Variants in DMXL2 observed in about 807,000 individuals in gnomAD.
DMXL2 encodes Dmx like 2, also known as dmX-like protein 2.
DMXL2 carries 103 observed loss-of-function variants against 331.1 expected under a neutral mutation model. The ratio of observed to expected loss-of-function variants is 0.31; its 90% CI spans 0.27 to 0.37. The LOEUF (loss-of-function observed/expected upper bound fraction) is 0.37, where lower values mean the gene tolerates loss of function less well. Among genes scored for constraint, DMXL2 ranks in the 10% least tolerant of loss-of-function variants. DMXL2 has a pLI of 1.00. For synonymous variants in DMXL2, 1,281 were observed against 1,252.1 expected, an observed-to-expected ratio of 1.02 and a Z score of -0.49; for missense variants, 3,171 against 3,642.9, an observed-to-expected ratio of 0.87 and a Z score of 3.33.
At chr15:51,563,495 C>T (rs777706184) in intron 5 of DMXL2, 48 bp from the exon 6 acceptor site, 1 of 1,369,328 alleles carries the variant, frequency 7.3e-7, no homozygotes, top group South Asian at 1.3e-5. Flanking sequence ...ATCTGGTGTA[C>T]TGTATATAAA....
chr15:51,500,685 T>A (rs1401699809), intron 17 of DMXL2, among the ~76,000 whole-genome samples: 2 of 152,220 alleles, frequency 1.3e-5, no homozygotes, highest in African/African-American at 4.8e-5. Flanking sequence ...TTCTCTCAAA[T>A]AATCCAGACC....
intron 32 of DMXL2, among the ~76,000 whole-genome samples, chr15:51,463,839 G>A (rs1366065764): frequency 6.6e-6 from 1 of 151,954 alleles, no homozygotes. Flanking sequence ...ATGAATACAA[G>A]TCATAGATAC....
At chr15:51,619,333 G>T (rs887282641) in intron 1 of DMXL2, among the ~76,000 whole-genome samples, 3 of 152,146 alleles carry the variant, frequency 2.0e-5, no homozygotes, top group African/African-American at 7.2e-5. Context: ...TTGTTCAAAA[G>T]GTGATGTTTT....
intron 22 of DMXL2, among the ~76,000 whole-genome samples, chr15:51,487,279 T>TA (rs1014570720): frequency 2.0e-5 from 3 of 152,174 alleles, no homozygotes; most frequent in African/African-American, 4.8e-5. Flanking sequence ...GAATTTCATT[T>TA]AAAAAAACAG....
At chr15:51,565,046 A>G in intron 4 of DMXL2, 42 bp downstream of exon 4, 1 of 1,137,472 alleles carries the variant, frequency 8.8e-7, no homozygotes, top group Non-Finnish European at 1.2e-6. Flanking sequence ...CATTTAAAAC[A>G]AATATTTAAT....
Position 51,470,424 on chromosome 15 carries a change from C to T in DMXL2, c.7392+799G>A, listed in dbSNP as rs148317046. On this transcript the variant is annotated intron_variant, in intron 29 of 43. Transcript: ENST00000560891. Reference sequence around the variant, plus strand: ...GAGGTTACAGGTATGAGCCACTGCACCTGGCCTCAGAGTCTTTAGATAACA... The same window carrying T: ...GAGGTTACAGGTATGAGCCACTGCATCTGGCCTCAGAGTCTTTAGATAACA... 6.6e-5 allele frequency among the ~76,000 whole-genome samples: 10 copies of T among 152,060 alleles called. No individual in the cohort carries two copies. The East Asian group carries it at 1.9e-3, about 29-fold the overall frequency.
Position 51,481,003 on chromosome 15 carries a change from C to T in DMXL2, c.6103G>A (p.Val2035Ile). ...TTTAGTTGTTCAGCAATCACATCAACTTCAGTATCACCTTCAGGATCATCC... is the reference window on the plus strand; with the variant it reads ...TTTAGTTGTTCAGCAATCACATCAATTTCAGTATCACCTTCAGGATCATCC... Reference protein sequence around the residue: ...EEDDPEGDTEVDVIAEQLKFR... With the variant: ...EEDDPEGDTEIDVIAEQLKFR... The change falls in exon 24 of 44, where the codon GTT (valine) becomes ATT (isoleucine). Residue 2035 changes from valine (V) to isoleucine (I), a missense_variant. Val to Ile is a conservative substitution (Grantham distance 29, BLOSUM62 3). Transcript: ENST00000560891. 1.9e-6 allele frequency: 3 copies of T among 1,614,174 alleles called. No individual in the cohort carries two copies. Among genetic ancestry groups the T allele is most frequent in the East Asian group, 2.2e-5 (1 of 44,882 alleles).
chr15:51,529,632 A>C (rs562662750), intron 13 of DMXL2, among the ~76,000 whole-genome samples: 2 of 152,298 alleles, frequency 1.3e-5, no homozygotes, highest in South Asian at 4.1e-4. Flanking sequence ...CTAAGTAAAG[A>C]AAAGCCCAGG....
In DMXL2 at chr15:51,572,340, G is replaced by A. The variant is rs180971696; in HGVS notation, c.213+3716C>T. Among the ~76,000 whole-genome samples, 202 of 151,578 alleles carry A rather than the reference G, an allele frequency of 1.3e-3. 1 individual carries two copies. Among genetic ancestry groups the A allele is most frequent in the East Asian group, 6.6e-3 (34 of 5,154 alleles). On this transcript the variant is annotated intron_variant, in intron 2 of 43. Transcript: ENST00000560891. ...TCCAGGACCAGATGGATTCACAGCT[G>A]AATTCTACCAGAGGTACAAAAAGGA...
rs11291027 is a variant in DMXL2, at chr15:51,478,259, AT to A, written c.6833+11del. On this transcript the variant is annotated intron_variant, in intron 26 of 43. Transcript: ENST00000560891. The stretch of plus-strand genomic sequence containing the variant: ...TGCTGTATTAATACTATTTTGGGTG[AT>A]TTTTTTTTACCTGTAGCTATGACTG... 0.74 allele frequency: 1,176,100 copies of A among 1,593,372 alleles called. 436,056 individuals carry two copies. Among genetic ancestry groups the A allele is most frequent in the African/African-American group, 0.82 (60,722 of 74,350 alleles).
chr15:51,483,004 C>G (rs2042126277), intron 23 of DMXL2, among the ~76,000 whole-genome samples: 1 of 150,092 alleles, frequency 6.7e-6, no homozygotes. Flanking sequence ...CCTATCTCCC[C>G]CACCCAGACT....
Position 51,495,078 on chromosome 15 carries a change from T to G in DMXL2, c.4729A>C (p.Thr1577Pro). The stretch of plus-strand genomic sequence containing the variant: ...GGAGGCAGCGATGTCAAAAGGCATG[T>G]GTGTAGGCGCATAGCTAACAAGTAT... ...LRYLLAMRLH[T>P]CLLTSLPPLY... The change falls in exon 19 of 44, where the codon ACA (threonine) becomes CCA (proline). Residue 1577 changes from threonine (T) to proline (P), a missense_variant. Physicochemically the swap from Thr to Pro is conservative, Grantham distance 38. Coordinates refer to ENST00000560891, the MANE Select transcript of DMXL2 (RefSeq NM_001378457.1). The G allele has an allele frequency of 1.9e-6, 3 of 1,613,498 alleles. No homozygotes were observed. The highest frequency in any genetic ancestry group is 2.5e-6 in the Non-Finnish European group (3 of 1,179,520).
intron 1 of DMXL2, among the ~76,000 whole-genome samples, chr15:51,589,292 CA>C (rs1202138117): frequency 7.2e-5 from 11 of 152,158 alleles, no homozygotes; most frequent in South Asian, 6.2e-4. Context: ...ATCAGATGCC[CA>C]AAGACAAGAA....
At chr15:51,613,172 C>G (rs977656132) in intron 1 of DMXL2, among the ~76,000 whole-genome samples, 2 of 152,150 alleles carry the variant, frequency 1.3e-5, no homozygotes, top group African/African-American at 4.8e-5. Flanking sequence ...CCTGAGGAGA[C>G]ATTCATCCTC....
intron 13 of DMXL2, among the ~76,000 whole-genome samples, chr15:51,529,039 T>C (rs1475874765): frequency 6.6e-6 from 1 of 151,940 alleles, no homozygotes; most frequent in Non-Finnish European, 1.5e-5. Context: ...AAAAAGAAAA[T>C]TGAAAAATTT....
chr15:51,592,443 G>A (rs1217551921), intron 1 of DMXL2, among the ~76,000 whole-genome samples: 1 of 152,162 alleles, frequency 6.6e-6, no homozygotes, highest in African/African-American at 2.4e-5. Flanking sequence ...ACGTCTCATT[G>A]GTGTACCTGA....
chr15:51,602,390 C>CT (rs1256353405), intron 1 of DMXL2, among the ~76,000 whole-genome samples: 1 of 152,108 alleles, frequency 6.6e-6, no homozygotes, highest in Non-Finnish European at 1.5e-5. Flanking sequence ...CAGTTCTACT[C>CT]TGAGGTGCCA....
intron 28 of DMXL2, among the ~76,000 whole-genome samples, chr15:51,472,774 G>A (rs1341783315): frequency 6.6e-6 from 1 of 152,092 alleles, no homozygotes; most frequent in Non-Finnish European, 1.5e-5. Flanking sequence ...CATCCTTGAT[G>A]GTAACCCACA....
intron 29 of DMXL2, among the ~76,000 whole-genome samples, chr15:51,467,729 CTTT>C (rs71873179): frequency 7.0e-6 from 1 of 143,074 alleles, no homozygotes; most frequent in Non-Finnish European, 1.5e-5. Flanking sequence ...CCTAGTACTT[CTTT>C]TTTTTTTTTT....
Sources: gnomAD v4.1 joint callset for allele counts (sites outside exome capture counted in the v4.1 genomes callset) on GRCh38, gnomAD v4.1.1 for gene constraint, MANE v1.5 for transcripts, NCBI Gene and HGNC (gene_info 2026-07-23, HGNC 2026-07-21) for gene names.